ARFGEF1: variants seen among roughly 807,000 people sequenced by gnomAD.
ARFGEF1 encodes the protein brefeldin A-inhibited guanine nucleotide-exchange protein 1.
ARFGEF1 carries 42 observed loss-of-function variants against 231.0 expected under a neutral mutation model. The observed-to-expected ratio is 0.18, with a 90% CI of 0.14 to 0.24. The LOEUF (loss-of-function observed/expected upper bound fraction) is 0.24, where lower values mean the gene tolerates loss of function less well. Ranked by LOEUF, ARFGEF1 falls within the 10% of genes least tolerant of loss-of-function variation. The pLI is 1.00. For missense variants in ARFGEF1, 1,345 were observed against 2,192.0 expected (o/e 0.61, Z 7.72); for synonymous variants, 710 against 732.3 (o/e 0.97, Z 0.49).
intron 20 of ARFGEF1, 114 bp downstream of exon 20, chr8:67,240,048 A>C (rs1467654202): frequency 2.2e-6 from 3 of 1,386,022 alleles, no homozygotes; most frequent in Non-Finnish European, 2.0e-6. Flanking sequence ...TTCCATCATA[A>C]ACTTGAAATT....
downstream of ARFGEF1, among the ~76,000 whole-genome samples, chr8:67,194,395 G>GGT (rs1387053618): frequency 6.6e-6 from 1 of 152,036 alleles, no homozygotes; most frequent in Non-Finnish European, 1.5e-5. Context: ...TAGCAGTCAA[G>GGT]GTGTGGTGTG....
At chr8:67,276,814 A>G (rs924141792) in intron 8 of ARFGEF1, among the ~76,000 whole-genome samples, 1 of 152,158 alleles carries the variant, frequency 6.6e-6, no homozygotes, top group Admixed American at 6.5e-5. Context: ...TGTCTGCATT[A>G]TACCGAATGA....
chr8:67,258,384 G>A (rs1840529281), intron 15 of ARFGEF1, 94 bp from the exon 16 acceptor site: 1 of 879,864 alleles, frequency 1.1e-6, no homozygotes, highest in Non-Finnish European at 1.7e-6. Context: ...GGGGTGCAGT[G>A]GCACGATCTC....
chr8:67,334,027 T>G (rs747875778), intron 1 of ARFGEF1, among the ~76,000 whole-genome samples: 1 of 151,474 alleles, frequency 6.6e-6, no homozygotes, highest in Non-Finnish European at 1.5e-5. Flanking sequence ...TCCCAGCTAC[T>G]TGGGAGGCTG....
At chr8:67,318,494 G>C (rs1359182425) in intron 1 of ARFGEF1, among the ~76,000 whole-genome samples, 1 of 151,980 alleles carries the variant, frequency 6.6e-6, no homozygotes, top group Non-Finnish European at 1.5e-5. Flanking sequence ...AGGTATATAG[G>C]TTAGAGAGAA....
At chr8:67,318,169 G>A (rs749860675) in intron 1 of ARFGEF1, among the ~76,000 whole-genome samples, 4 of 148,832 alleles carry the variant, frequency 2.7e-5, no homozygotes, top group Admixed American at 6.8e-5. Flanking sequence ...CCCGGGAGCC[G>A]CAGCTTGCAG....
chr8:67,236,360 AAAAAAATATATATATATAT>A (rs1435357377), intron 22 of ARFGEF1, among the ~76,000 whole-genome samples: 28 of 43,286 alleles, frequency 6.5e-4, no homozygotes, highest in African/African-American at 2.5e-3. Context: ...AAAAAAAAAA[AAAAAAATATATATATATAT>A]ATATATATAT....
intron 1 of ARFGEF1, among the ~76,000 whole-genome samples, chr8:67,332,621 T>G (rs76656481): frequency 4.6e-5 from 7 of 152,264 alleles, no homozygotes; most frequent in Admixed American, 4.6e-4. Flanking sequence ...AATATTTTCC[T>G]GTATTGCTGT....
chr8:67,269,048 T>C (rs1804962712), intron 10 of ARFGEF1, among the ~76,000 whole-genome samples: 2 of 152,280 alleles, frequency 1.3e-5, no homozygotes, highest in East Asian at 1.9e-4. Context: ...ATATAAGATA[T>C]TATGCCTATC....
chr8:67,265,763 C>T (rs1804826669), intron 14 of ARFGEF1, among the ~76,000 whole-genome samples: 1 of 151,958 alleles, frequency 6.6e-6, no homozygotes, highest in Non-Finnish European at 1.5e-5. Context: ...AGATGATACC[C>T]ATCAACAGCA....
At chr8:67,183,843 ATTTTTTT>A (rs918103972) in intron 5 of ARFGEF1, among the ~76,000 whole-genome samples, 13 of 108,214 alleles carry the variant, frequency 1.2e-4, no homozygotes, top group East Asian at 9.7e-4. Context: ...AAAATTGGGA[ATTTTTTT>A]TTTTTTTTTT....
intron 22 of ARFGEF1, among the ~76,000 whole-genome samples, chr8:67,237,758 A>G (rs1471009530): frequency 6.6e-6 from 1 of 152,252 alleles, no homozygotes; most frequent in Non-Finnish European, 1.5e-5. Flanking sequence ...ATACAGAAGA[A>G]TTCAAACCCA....
chr8:67,340,460 C>G (rs1161638115), intron 1 of ARFGEF1, among the ~76,000 whole-genome samples: 1 of 152,198 alleles, frequency 6.6e-6, no homozygotes, highest in African/African-American at 2.4e-5. Context: ...GCGGGCCTGG[C>G]CCAGGTCTCA....
intron 34 of ARFGEF1, among the ~76,000 whole-genome samples, chr8:67,210,077 C>T (rs1442697283): frequency 9.4e-5 from 14 of 149,678 alleles, no homozygotes; most frequent in African/African-American, 3.2e-4. Flanking sequence ...ATGGCGTGAA[C>T]CCGGGAGGTG....
chr8:67,227,176 T>C lies in ARFGEF1; in HGVS notation c.3877A>G (p.Ile1293Val), dbSNP rs367664307. The C allele has an allele frequency of 6.8e-6, 11 of 1,612,858 alleles. No homozygotes were observed. The highest frequency in any genetic ancestry group is 8.5e-6 in the Non-Finnish European group (10 of 1,179,256). Residue 1293 changes from isoleucine (I) to valine (V), a missense_variant, in exon 27 of 39, where the codon ATA becomes GTA. Ile to Val is a conservative substitution (Grantham distance 29, BLOSUM62 3). Transcript: ENST00000262215. Reference protein sequence around the residue: ...HLAASDQDESIVELAFQTTGH... With the variant: ...HLAASDQDESVVELAFQTTGH... ...GTTGTTTGGAATGCAAGTTCCACTA[T>C]GCTTTCATCTTGATCAGATGCAGCT...
At chr8:67,212,742 C>T (rs576771570) in intron 33 of ARFGEF1, among the ~76,000 whole-genome samples, 22 of 152,204 alleles carry the variant, frequency 1.4e-4, no homozygotes, top group African/African-American at 4.6e-4. Flanking sequence ...CAAAACAATA[C>T]GTTAGCTTGG....
chr8:67,307,804 G>A (rs1335368483), intron 1 of ARFGEF1, among the ~76,000 whole-genome samples: 2 of 152,108 alleles, frequency 1.3e-5, no homozygotes, highest in Admixed American at 6.5e-5. Context: ...TTGCCACCAG[G>A]AGATATTCTA....
Position 67,304,866 on chromosome 8 carries a change from T to C in ARFGEF1, c.125-2400A>G, listed in dbSNP as rs544036473. ...ATGTATGGATAAGGAGGAAATGCTG[T>C]GTTGACTGACCTAAATCATCATAAA... On this transcript the variant is annotated intron_variant, in intron 1 of 38. Coordinates refer to ENST00000262215, the MANE Select transcript of ARFGEF1 (RefSeq NM_006421.5). Among the ~76,000 whole-genome samples the C allele has an allele frequency of 5.3e-5, 8 of 152,328 alleles. No individual in the cohort carries two copies. In the South Asian group the frequency reaches 1.7e-3, roughly 32 times the overall value.
At chr8:67,189,580 T>G (rs1013935124) in intron 5 of ARFGEF1, among the ~76,000 whole-genome samples, 1 of 152,246 alleles carries the variant, frequency 6.6e-6, no homozygotes, top group African/African-American at 2.4e-5. Context: ...TGAATATCAA[T>G]TATATGTTAA....
Sources: gnomAD v4.1 joint callset for allele counts (sites outside exome capture counted in the v4.1 genomes callset) on GRCh38, gnomAD v4.1.1 for gene constraint, MANE v1.5 for transcripts, NCBI Gene and HGNC (gene_info 2026-07-23, HGNC 2026-07-21) for gene names.